The following RBFOX1 variants were observed in gnomAD, a reference collection of about 807,000 sequenced individuals.
RBFOX1 encodes RNA binding protein fox-1 homolog 1.
Under a neutral mutation model 57.7 loss-of-function variants are expected in RBFOX1, and 8 were observed. That is an observed-to-expected ratio of 0.14 (90% CI 0.08 to 0.25). RBFOX1 has a LOEUF of 0.25. RBFOX1 is among the 10% of genes least tolerant of loss of function. The pLI is 1.00. For missense variants in RBFOX1, 611 were observed against 548.5 expected (o/e 1.11, Z -1.14); for synonymous variants, 326 against 222.4 (o/e 1.47, Z -4.15).
intron 2 of RBFOX1, among the ~76,000 whole-genome samples, chr16:5,563,301 C>T (rs994859009): frequency 6.6e-6 from 1 of 152,178 alleles, no homozygotes; most frequent in Non-Finnish European, 1.5e-5. Flanking sequence ...ATTTCCATTT[C>T]CATTTCACTG....
intron 5 of RBFOX1, among the ~76,000 whole-genome samples, chr16:7,547,831 G>T (rs1251488564): frequency 6.6e-6 from 1 of 152,228 alleles, no homozygotes; most frequent in South Asian, 2.1e-4. Flanking sequence ...TAATGAACAT[G>T]GAGGTTGTGT....
chr16:6,607,901 G>A (rs565532011), intron 2 of RBFOX1, among the ~76,000 whole-genome samples: 2 of 152,194 alleles, frequency 1.3e-5, no homozygotes, highest in Non-Finnish European at 2.9e-5. Context: ...CCTTGTTTCT[G>A]GAGTTGGCAA....
At chr16:6,089,028 G>A (rs969616109) in intron 1 of RBFOX1, among the ~76,000 whole-genome samples, 1 of 150,572 alleles carries the variant, frequency 6.6e-6, no homozygotes, top group South Asian at 2.1e-4. Context: ...CCCAGGAGGC[G>A]GAGGTTGCAG....
chr16:5,629,858 C>T lies in RBFOX1; in HGVS notation c.318+30897C>T, dbSNP rs2048450227. 2.0e-5 allele frequency among the ~76,000 whole-genome samples: 3 copies of T among 152,168 alleles called. No individual in the cohort carries two copies. The South Asian group carries it at 6.2e-4, about 32-fold the overall frequency. On this transcript the variant is annotated intron_variant, in intron 3 of 19. Transcript: ENST00000641259. The stretch of plus-strand genomic sequence containing the variant: ...CTGGAGTGAAATTCTGGCCTTGAAG[C>T]CCACTTTATGTCTTCTTGAGTAGGA...
At chr16:7,228,427 C>G (rs2093287464) in intron 4 of RBFOX1, among the ~76,000 whole-genome samples, 1 of 152,182 alleles carries the variant, frequency 6.6e-6, no homozygotes, top group Non-Finnish European at 1.5e-5. Flanking sequence ...ATCATTATGG[C>G]TCTCTTAATC....
At chr16:5,463,105 A>G (rs1190780652) in intron 1 of RBFOX1, among the ~76,000 whole-genome samples, 1 of 152,226 alleles carries the variant, frequency 6.6e-6, no homozygotes, top group Non-Finnish European at 1.5e-5. Flanking sequence ...ATTTTTAGGA[A>G]AATGGTTAGA....
intron 4 of RBFOX1, among the ~76,000 whole-genome samples, chr16:7,469,314 G>A (rs964882870): frequency 2.6e-5 from 4 of 151,878 alleles, no homozygotes; most frequent in Non-Finnish European, 1.5e-5. Context: ...TGCCCGCCTC[G>A]GCCTCCCAAA....
At chr16:6,558,072 G>A (rs6500796) in intron 2 of RBFOX1, among the ~76,000 whole-genome samples, 150,081 of 152,274 alleles carry the variant, frequency 0.99, 74,004 homozygotes, top group Middle Eastern at 1. Flanking sequence ...GGCTCTCTAT[G>A]TTAGTCACTT....
At chr16:5,935,259 T>G (rs989298637) in intron 4 of RBFOX1, among the ~76,000 whole-genome samples, 28 of 152,260 alleles carry the variant, frequency 1.8e-4, no homozygotes, top group African/African-American at 6.5e-4. Flanking sequence ...TATCTGCCAT[T>G]GAAAAGATTG....
intron 4 of RBFOX1, among the ~76,000 whole-genome samples, chr16:5,954,049 G>A (rs1339415897): frequency 6.6e-6 from 1 of 152,154 alleles, no homozygotes; most frequent in Non-Finnish European, 1.5e-5. Flanking sequence ...GTGGGTAGAG[G>A]ATGGGGCACT....
At chr16:7,659,851 A>T (rs2067251636) in intron 12 of RBFOX1, among the ~76,000 whole-genome samples, 1 of 152,188 alleles carries the variant, frequency 6.6e-6, no homozygotes, top group Non-Finnish European at 1.5e-5. Flanking sequence ...GGAGGGGAGA[A>T]TGTGAAAAGA....
intron 3 of RBFOX1, among the ~76,000 whole-genome samples, chr16:5,735,888 AAACAACAAC>A (rs536560221): frequency 6.6e-6 from 1 of 151,938 alleles, no homozygotes; most frequent in African/African-American, 2.4e-5. Flanking sequence ...AAAACAAATA[AAACAACAAC>A]AACAACAACA....
intron 2 of RBFOX1, among the ~76,000 whole-genome samples, chr16:6,510,604 C>T (rs558626196): frequency 6.6e-5 from 10 of 152,154 alleles, no homozygotes; most frequent in African/African-American, 1.4e-4. Flanking sequence ...TGAAAGCCTG[C>T]GTATGCCTCC....
At chr16:7,197,592 T>G (rs575090413) in intron 4 of RBFOX1, among the ~76,000 whole-genome samples, 1 of 152,106 alleles carries the variant, frequency 6.6e-6, no homozygotes, top group Admixed American at 6.5e-5. Flanking sequence ...GCAGTAACAT[T>G]GAAAACAAGT....
At chr16:7,497,085 G>A (rs1055593679) in intron 4 of RBFOX1, among the ~76,000 whole-genome samples, 10 of 152,100 alleles carry the variant, frequency 6.6e-5, no homozygotes, top group South Asian at 2.1e-4. Context: ...AGTGGCCAGC[G>A]TGGTCTTTCT....
At chr16:5,527,216 G>C (rs1045724899) in intron 2 of RBFOX1, among the ~76,000 whole-genome samples, 2 of 152,162 alleles carry the variant, frequency 1.3e-5, no homozygotes, top group African/African-American at 4.8e-5. Context: ...TCCTGATGAG[G>C]ACCCGCGATG....
rs1244369778 is a variant in RBFOX1, at chr16:5,978,757, C to T, written c.351+111422C>T. On this transcript the variant is annotated intron_variant, in intron 4 of 19. Coordinates refer to the RBFOX1 transcript ENST00000641259. Reference sequence around the variant, plus strand: ...CAGTCCGGCGTCCTGTACATCCAGTCTGGGTTTGGCTGATGTGTTTCTCAT... The same window carrying T: ...CAGTCCGGCGTCCTGTACATCCAGTTTGGGTTTGGCTGATGTGTTTCTCAT... 6.0e-5 allele frequency among the ~76,000 whole-genome samples: 9 copies of T among 151,008 alleles called. 1 individual carries two copies. Among genetic ancestry groups the T allele is most frequent in the Admixed American group, 6.0e-4 (9 of 15,118 alleles).
intron 3 of RBFOX1, among the ~76,000 whole-genome samples, chr16:5,857,508 G>A (rs1227875659): frequency 6.6e-6 from 1 of 152,138 alleles, no homozygotes; most frequent in Non-Finnish European, 1.5e-5. Context: ...ATAATAAAAT[G>A]AAGTGCAATA....
intron 3 of RBFOX1, among the ~76,000 whole-genome samples, chr16:6,735,122 C>CT (rs1176834499): frequency 6.6e-6 from 1 of 152,096 alleles, no homozygotes; most frequent in African/African-American, 2.4e-5. Flanking sequence ...ACACTCCAGC[C>CT]TGGGCAGCAG....
Sources: gnomAD v4.1 joint callset for allele counts (sites outside exome capture counted in the v4.1 genomes callset) on GRCh38, gnomAD v4.1.1 for gene constraint, MANE v1.5 for transcripts, NCBI Gene and HGNC (gene_info 2026-07-23, HGNC 2026-07-21) for gene names.